The following AKAP6 variants were observed in gnomAD, a reference collection of about 807,000 sequenced individuals.
AKAP6 encodes the protein A-kinase anchoring protein 6.
In AKAP6, 58 loss-of-function variants were observed where a neutral mutation model predicts 188.5. That is an observed-to-expected ratio of 0.31 (90% CI 0.25 to 0.38). The LOEUF (loss-of-function observed/expected upper bound fraction) is 0.38, where lower values mean the gene tolerates loss of function less well. AKAP6 is among the 10% of genes least tolerant of loss of function. AKAP6 has a pLI of 1.00. For missense variants in AKAP6, 2,710 were observed against 2,740.0 expected (o/e 0.99, Z 0.24); for synonymous variants, 989 against 998.6 (o/e 0.99, Z 0.18).
chr14:32,524,685 T>C (rs1882032023), intron 2 of AKAP6, among the ~76,000 whole-genome samples: 1 of 152,200 alleles, frequency 6.6e-6, no homozygotes, highest in African/African-American at 2.4e-5. Context: ...TAAATTCTAC[T>C]GTAGATATAT....
In AKAP6 at chr14:32,709,612, A is replaced by G. The variant is rs368517230; in HGVS notation, c.3000+13502A>G. Among the ~76,000 whole-genome samples the G allele has an allele frequency of 3.9e-5, 6 of 151,988 alleles. No homozygotes were observed. In the East Asian group the frequency reaches 5.8e-4, roughly 15 times the overall value. On this transcript the variant is annotated intron_variant, in intron 9 of 13. Transcript: ENST00000280979. ...TCATTTCATTCCTTCTCTTTCAAGG[A>G]TTGTTTTTATCCATTCCATATAGGA...
Position 32,696,034 on chromosome 14 carries a change from T to A in AKAP6, c.2924T>A (p.Leu975Gln). 6.2e-7 allele frequency: 1 copy of A among 1,613,038 alleles called. No individual in the cohort carries two copies. Residue 975 changes from leucine (L) to glutamine (Q), a missense_variant, in exon 9 of 14, where the codon CTG (leucine) becomes CAG (glutamine). Transcript: ENST00000280979. ...GAATATCAGGAGCTCTGGGATTGGC[T>A]GATTGACATGGAGTCCCTTGTGATG... is the stretch of plus-strand genomic sequence containing the variant. ...DSEYQELWDW[L>Q]IDMESLVMDS... is the part of the protein sequence containing the mutation.
intron 11 of AKAP6, among the ~76,000 whole-genome samples, chr14:32,751,760 C>T (rs1316867993): frequency 2.0e-5 from 3 of 152,062 alleles, no homozygotes; most frequent in Non-Finnish European, 4.4e-5. Flanking sequence ...TTCTGCAGAA[C>T]CTAATTTTGT....
chr14:32,343,573 C>G (rs547826082), intron 1 of AKAP6, among the ~76,000 whole-genome samples: 3 of 151,456 alleles, frequency 2.0e-5, no homozygotes, highest in East Asian at 1.9e-4. Flanking sequence ...ACCGTGAAAC[C>G]CCATCTCTAC....
chr14:32,393,377 G>A (rs1390101156), intron 1 of AKAP6, among the ~76,000 whole-genome samples: 1 of 152,098 alleles, frequency 6.6e-6, no homozygotes, highest in Non-Finnish European at 1.5e-5. Context: ...AAACTGTCAT[G>A]GTCATAAAAG....
intron 12 of AKAP6, among the ~76,000 whole-genome samples, chr14:32,785,625 C>T (rs1433200286): frequency 7.9e-5 from 12 of 152,152 alleles, no homozygotes; most frequent in Admixed American, 7.9e-4. Context: ...TGGGGAAGTA[C>T]TTGCAAAGTG....
At chr14:32,464,769 T>G (rs979787239) in intron 2 of AKAP6, among the ~76,000 whole-genome samples, 1 of 152,044 alleles carries the variant, frequency 6.6e-6, no homozygotes, top group African/African-American at 2.4e-5. Flanking sequence ...GAGAAAGAAA[T>G]AAAGGGTATT....
intron 2 of AKAP6, among the ~76,000 whole-genome samples, chr14:32,510,320 T>A (rs1020215431): frequency 1.3e-5 from 2 of 149,378 alleles, no homozygotes; most frequent in Non-Finnish European, 1.5e-5. Flanking sequence ...TATTCCATGT[T>A]CCTATAATAA....
intron 11 of AKAP6, among the ~76,000 whole-genome samples, chr14:32,751,584 GT>G (rs1310789418): frequency 2.7e-5 from 4 of 147,984 alleles, no homozygotes; most frequent in Non-Finnish European, 5.9e-5. Context: ...TTTACCCGCT[GT>G]TTGATTATCG....
At chr14:32,466,272 C>T (rs1878424731) in intron 2 of AKAP6, among the ~76,000 whole-genome samples, 1 of 152,138 alleles carries the variant, frequency 6.6e-6, no homozygotes, top group Non-Finnish European at 1.5e-5. Context: ...GAGATGCATG[C>T]ACATGTATGT....
intron 7 of AKAP6, among the ~76,000 whole-genome samples, 186 bp from the exon 8 acceptor site, chr14:32,678,125 G>A (rs1490768497): frequency 6.6e-6 from 1 of 152,136 alleles, no homozygotes; most frequent in Non-Finnish European, 1.5e-5. Context: ...ATATTTTAAG[G>A]AGGAACTTAT....
chr14:32,695,038 G>A (rs1436962209), intron 8 of AKAP6, among the ~76,000 whole-genome samples: 1 of 152,186 alleles, frequency 6.6e-6, no homozygotes, highest in Non-Finnish European at 1.5e-5. Flanking sequence ...AGATCACAGT[G>A]TTTTAGAAGA....
intron 9 of AKAP6, among the ~76,000 whole-genome samples, chr14:32,704,959 A>T (rs766499687): frequency 2.0e-5 from 3 of 152,218 alleles, no homozygotes; most frequent in Non-Finnish European, 4.4e-5. Context: ...AAAGGTACCT[A>T]GGTAACGTTT....
chr14:32,347,455 A>G (rs1201653392), intron 1 of AKAP6, among the ~76,000 whole-genome samples: 1 of 152,214 alleles, frequency 6.6e-6, no homozygotes, highest in Non-Finnish European at 1.5e-5. Context: ...CGGACTGTAC[A>G]TTTCAGGCAT....
intron 7 of AKAP6, among the ~76,000 whole-genome samples, chr14:32,601,020 G>A (rs901520946): frequency 1.3e-5 from 2 of 152,050 alleles, no homozygotes; most frequent in Non-Finnish European, 2.9e-5. Flanking sequence ...TGGCAGGGTA[G>A]GTGGGGGACA....
At chr14:32,480,021 T>C (rs908209223) in intron 2 of AKAP6, among the ~76,000 whole-genome samples, 1 of 152,150 alleles carries the variant, frequency 6.6e-6, no homozygotes, top group Non-Finnish European at 1.5e-5. Flanking sequence ...ATTTAGGATT[T>C]CCTGGGTGCC....
intron 1 of AKAP6, among the ~76,000 whole-genome samples, chr14:32,409,586 A>ATATC (rs1889413855): frequency 6.6e-6 from 1 of 152,166 alleles, no homozygotes; most frequent in Non-Finnish European, 1.5e-5. Context: ...AGGTTGACAG[A>ATATC]TGGCTTCTGA....
chr14:32,453,323 C>T (rs1188553790), intron 2 of AKAP6, among the ~76,000 whole-genome samples: 1 of 152,170 alleles, frequency 6.6e-6, no homozygotes, highest in Non-Finnish European at 1.5e-5. Context: ...AGCCCTCTGA[C>T]CCTCTATCCA....
At chr14:32,625,805 T>C (rs1886997116) in intron 7 of AKAP6, among the ~76,000 whole-genome samples, 2 of 152,128 alleles carry the variant, frequency 1.3e-5, no homozygotes, top group South Asian at 4.1e-4. Flanking sequence ...TGGCGTTTGT[T>C]GGAAAGATAT....
Sources: gnomAD v4.1 joint callset for allele counts (sites outside exome capture counted in the v4.1 genomes callset) on GRCh38, gnomAD v4.1.1 for gene constraint, MANE v1.5 for transcripts, NCBI Gene and HGNC (gene_info 2026-07-23, HGNC 2026-07-21) for gene names.